The following CSMD1 variants were observed in gnomAD, a reference collection of about 807,000 sequenced individuals.
CSMD1 encodes the protein CUB and Sushi multiple domains 1.
Under a neutral mutation model 417.5 loss-of-function variants are expected in CSMD1, and 213 were observed. The observed-to-expected ratio is 0.51, with a 90% confidence interval of 0.46 to 0.57. CSMD1 has a LOEUF of 0.57. Among genes scored for constraint, CSMD1 ranks in the 20% least tolerant of loss-of-function variants. CSMD1 has a pLI of 0.00. For missense variants in CSMD1, 6,923 were observed against 4,529.7 expected, an observed-to-expected ratio of 1.53 and a Z score of -15.17; for synonymous variants, 2,862 against 1,736.8, an observed-to-expected ratio of 1.65 and a Z score of -16.11.
In CSMD1 at chr8:3,262,198, T is replaced by C. The variant is rs988048838; in HGVS notation, c.4153+21946A>G. Among the ~76,000 whole-genome samples, 776 of 81,304 alleles carry C rather than the reference T, an allele frequency of 9.5e-3. 21 individuals are homozygous for C. The highest frequency in any genetic ancestry group is 0.011 in the South Asian group (34 of 3,000). The allele number at this position is 81,304 out of a possible 152,430, so 53.3% of individuals were successfully genotyped here. On this transcript the variant is annotated intron_variant, in intron 26 of 69. Transcript: ENST00000635120. The stretch of plus-strand genomic sequence containing the variant: ...ATGCTCATATGAATATATATATATA[T>C]ATATATATATATATATATATATATA...
chr8:4,435,094 A>C (rs181592159), intron 2 of CSMD1, among the ~76,000 whole-genome samples: 1 of 152,342 alleles, frequency 6.6e-6, no homozygotes, highest in Non-Finnish European at 1.5e-5. Flanking sequence ...GGAAGCCATT[A>C]ACAGTAGATG....
Position 4,627,460 on chromosome 8 carries a change from G to C in CSMD1, c.302+9882C>G, listed in dbSNP as rs137900394. ...GATACCTGAAGAAAAAAGAATAGAA[G>C]TAAATTAACAATTTTACTGATTCTT... is the stretch of plus-strand genomic sequence containing the variant. On this transcript the variant is annotated intron_variant, in intron 2 of 69. Coordinates refer to ENST00000635120, the MANE Select transcript of CSMD1 (RefSeq NM_033225.6). Among the ~76,000 whole-genome samples the C allele has an allele frequency of 4.2e-3, 645 of 152,182 alleles. 5 individuals carry two copies. The highest frequency in any genetic ancestry group is 0.014 in the Middle Eastern group (4 of 294).
chr8:4,533,394 T>A (rs780772722), intron 2 of CSMD1, among the ~76,000 whole-genome samples: 1 of 152,222 alleles, frequency 6.6e-6, no homozygotes, highest in Non-Finnish European at 1.5e-5. Context: ...GAGATCCATA[T>A]GACCAGGATG....
chr8:4,903,527 G>T (rs901987539), intron 1 of CSMD1, among the ~76,000 whole-genome samples: 3 of 152,070 alleles, frequency 2.0e-5, no homozygotes, highest in Non-Finnish European at 2.9e-5. Context: ...AAAAAATACT[G>T]AAACAGGAGA....
chr8:4,336,043 C>T (rs530904094), intron 3 of CSMD1, among the ~76,000 whole-genome samples: 4 of 152,230 alleles, frequency 2.6e-5, no homozygotes, highest in South Asian at 2.1e-4. Context: ...TCCAAACTTC[C>T]TCCCTGTCTT....
intron 5 of CSMD1, among the ~76,000 whole-genome samples, chr8:3,980,340 G>C (rs149271335): frequency 3.3e-5 from 5 of 151,768 alleles, no homozygotes; most frequent in Non-Finnish European, 7.4e-5. Context: ...GCAGTTCTGA[G>C]ATAATCCTGA....
intron 1 of CSMD1, among the ~76,000 whole-genome samples, chr8:4,897,464 T>C (rs1199418550): frequency 6.6e-6 from 1 of 152,050 alleles, no homozygotes; most frequent in Non-Finnish European, 1.5e-5. Context: ...TGGGAATATC[T>C]TTAAGGAGTG....
At chr8:3,274,650 T>A (rs1382108555) in intron 26 of CSMD1, among the ~76,000 whole-genome samples, 1 of 152,166 alleles carries the variant, frequency 6.6e-6, no homozygotes, top group African/African-American at 2.4e-5. Context: ...AGTTAGCCCT[T>A]CTTGTTGAAT....
chr8:3,112,112 G>C (rs1187064785), intron 42 of CSMD1, among the ~76,000 whole-genome samples: 1 of 151,518 alleles, frequency 6.6e-6, no homozygotes, highest in East Asian at 2.0e-4. Context: ...TAGCAGACAG[G>C]GTCTGCATCT....
chr8:4,835,386 G>C (rs180846796), intron 1 of CSMD1, among the ~76,000 whole-genome samples: 1,633 of 152,258 alleles, frequency 0.011, 10 homozygotes, highest in Middle Eastern at 0.041. Flanking sequence ...AATTTGGGAA[G>C]CTGAGCATAT....
chr8:3,795,894 G>GAT (rs1346858903), intron 5 of CSMD1, among the ~76,000 whole-genome samples: 1 of 27,212 alleles, frequency 3.7e-5, no homozygotes, highest in Non-Finnish European at 8.7e-5. Context: ...ATCATGTACA[G>GAT]ATATATATAT....
chr8:3,700,387 C>A (rs985086371), intron 7 of CSMD1: 1 of 152,048 alleles, frequency 6.6e-6, no homozygotes, highest in Admixed American at 6.6e-5. Flanking sequence ...ATGATACACA[C>A]TCAAATAAAC....
intron 1 of CSMD1, among the ~76,000 whole-genome samples, chr8:4,754,720 G>A (rs1170795572): frequency 6.6e-6 from 1 of 151,888 alleles, no homozygotes; most frequent in Admixed American, 6.6e-5. Flanking sequence ...ATGGTGGTGG[G>A]CGCCTGTAGT....
chr8:4,086,018 G>A (rs773087069), intron 3 of CSMD1, among the ~76,000 whole-genome samples: 9 of 152,088 alleles, frequency 5.9e-5, no homozygotes, highest in Non-Finnish European at 8.8e-5. Flanking sequence ...GACTAACAAA[G>A]GTGTGGTCCT....
chr8:4,326,874 T>G (rs1024862316), intron 3 of CSMD1, among the ~76,000 whole-genome samples: 2 of 152,160 alleles, frequency 1.3e-5, no homozygotes, highest in Non-Finnish European at 2.9e-5. Context: ...AGATTTAACT[T>G]GGACTATTTT....
At chr8:3,065,635 TGATA>T (rs1812892845) in intron 49 of CSMD1, among the ~76,000 whole-genome samples, 1 of 151,988 alleles carries the variant, frequency 6.6e-6, no homozygotes, top group Non-Finnish European at 1.5e-5. Flanking sequence ...GAAGATAGAT[TGATA>T]GATAAAAAAT....
chr8:2,941,729 A>G (rs1302295971), intron 69 of CSMD1, among the ~76,000 whole-genome samples: 3 of 152,334 alleles, frequency 2.0e-5, no homozygotes, highest in East Asian at 1.9e-4. Context: ...TGGAACATCT[A>G]TATTGCTTAC....
chr8:3,123,251 A>G (rs538687731), intron 41 of CSMD1, among the ~76,000 whole-genome samples: 1 of 152,212 alleles, frequency 6.6e-6, no homozygotes, highest in Non-Finnish European at 1.5e-5. Flanking sequence ...CAACCTGTCA[A>G]ATGCATAGCA....
chr8:4,074,314 T>C (rs1016513204), intron 3 of CSMD1, among the ~76,000 whole-genome samples: 2 of 152,024 alleles, frequency 1.3e-5, no homozygotes, highest in African/African-American at 4.8e-5. Flanking sequence ...AAATAAAAAC[T>C]ATAGATTAAC....
Sources: gnomAD v4.1 joint callset for allele counts (sites outside exome capture counted in the v4.1 genomes callset) on GRCh38, gnomAD v4.1.1 for gene constraint, MANE v1.5 for transcripts, NCBI Gene and HGNC (gene_info 2026-07-23, HGNC 2026-07-21) for gene names.